The following PAPPA2 variants were observed in gnomAD, a reference collection of about 807,000 sequenced individuals.
PAPPA2 encodes the protein pappalysin-2.
Under a neutral mutation model 176.4 loss-of-function variants are expected in PAPPA2, and 86 were observed. The ratio of observed to expected loss-of-function variants is 0.49; its 90% CI spans 0.41 to 0.58. PAPPA2 has a LOEUF of 0.58. Among genes scored for constraint, PAPPA2 ranks in the 20% least tolerant of loss-of-function variants. The probability of loss-of-function intolerance (pLI) is 0.00; values close to 1 mark genes in which losing one functional copy is unlikely to be tolerated. For missense variants in PAPPA2, 2,073 were observed against 2,256.9 expected (o/e 0.92, Z 1.65); for synonymous variants, 809 against 852.2 (o/e 0.95, Z 0.88).
At chr1:176,519,830 T>G (rs923780976) in intron 1 of PAPPA2, among the ~76,000 whole-genome samples, 1 of 152,178 alleles carries the variant, frequency 6.6e-6, no homozygotes, top group Non-Finnish European at 1.5e-5. Context: ...AAGTTGAAAG[T>G]TGGTAGTTGG....
intron 17 of PAPPA2, among the ~76,000 whole-genome samples, chr1:176,773,286 T>A (rs182801047): frequency 1.2e-4 from 19 of 152,330 alleles, no homozygotes; most frequent in African/African-American, 4.6e-4. Flanking sequence ...AGTTTGCAAG[T>A]CTGGCATAAA....
chr1:176,488,193 A>AT (rs1270494350), intron 1 of PAPPA2, among the ~76,000 whole-genome samples: 1 of 151,562 alleles, frequency 6.6e-6, no homozygotes, highest in Admixed American at 6.6e-5. Flanking sequence ...TTTATTTTTT[A>AT]TTTTTTTTAA....
intron 21 of PAPPA2, among the ~76,000 whole-genome samples, chr1:176,834,631 C>A (rs1667201410): frequency 6.6e-6 from 1 of 152,186 alleles, no homozygotes; most frequent in Non-Finnish European, 1.5e-5. Context: ...CAGTGCCAGG[C>A]AGCCTATTTG....
At chr1:176,608,511 G>C (rs1359161602) in intron 3 of PAPPA2, among the ~76,000 whole-genome samples, 1 of 152,170 alleles carries the variant, frequency 6.6e-6, no homozygotes, top group Non-Finnish European at 1.5e-5. Context: ...AATTCTCAGG[G>C]AAAATTTTCC....
At chr1:176,496,523 G>A (rs1341913606) in intron 1 of PAPPA2, among the ~76,000 whole-genome samples, 1 of 152,084 alleles carries the variant, frequency 6.6e-6, no homozygotes, top group Non-Finnish European at 1.5e-5. Flanking sequence ...TACGAGGCCT[G>A]TGGCTCAGCA....
chr1:176,487,041 C>G (rs1558397104), intron 1 of PAPPA2, among the ~76,000 whole-genome samples: 1 of 152,104 alleles, frequency 6.6e-6, no homozygotes, highest in Non-Finnish European at 1.5e-5. Flanking sequence ...CTCCACAGAT[C>G]CTCAAAAAAG....
At chr1:176,653,547 T>C (rs1341901760) in intron 3 of PAPPA2, among the ~76,000 whole-genome samples, 1 of 151,724 alleles carries the variant, frequency 6.6e-6, no homozygotes, top group African/African-American at 2.4e-5. Flanking sequence ...CTGTTATTCT[T>C]CATTTTCATT....
At position 176,842,362 on chromosome 1, in the gene PAPPA2, T is replaced by C. The variant is rs1428165930; in HGVS notation, c.5302-18T>C. 6.2e-7 allele frequency: 1 copy of C among 1,607,712 alleles called. No homozygotes were observed. Among genetic ancestry groups the C allele is most frequent in the East Asian group, 2.2e-5 (1 of 44,802 alleles). On this transcript the variant is annotated intron_variant, in intron 22 of 22. Coordinates refer to ENST00000367662, the MANE Select transcript of PAPPA2 (RefSeq NM_020318.3). ...ATCACAGAAATGAGCTATTTCTACT[T>C]CCCTTTCATTCCCCTAGGTCATTCC...
At chr1:176,721,614 T>C (rs766828455) in intron 12 of PAPPA2, among the ~76,000 whole-genome samples, 1 of 152,204 alleles carries the variant, frequency 6.6e-6, no homozygotes, top group African/African-American at 2.4e-5. Context: ...TTCACTTCCA[T>C]ATTTTGGAGA....
chr1:176,521,490 C>T, intron 1 of PAPPA2, among the ~76,000 whole-genome samples: 1 of 152,160 alleles, frequency 6.6e-6, no homozygotes, highest in East Asian at 1.9e-4. Context: ...CACTGCCCTA[C>T]CTACACCACA....
chr1:176,792,598 A>C (rs936434163), intron 19 of PAPPA2, among the ~76,000 whole-genome samples: 2 of 152,154 alleles, frequency 1.3e-5, no homozygotes, highest in East Asian at 1.9e-4. Context: ...ATTGTTTTAA[A>C]AGTCACTGAA....
chr1:176,676,015 G>A (rs1659270666), intron 4 of PAPPA2, among the ~76,000 whole-genome samples: 1 of 151,912 alleles, frequency 6.6e-6, no homozygotes, highest in South Asian at 2.1e-4. Context: ...AAGTGCAAAT[G>A]AAACCACAGC....
At chr1:176,762,723 T>C (rs1464536261) in intron 14 of PAPPA2, among the ~76,000 whole-genome samples, 1 of 152,214 alleles carries the variant, frequency 6.6e-6, no homozygotes, top group Admixed American at 6.5e-5. Context: ...CCTTATCAGA[T>C]AGATTAAATA....
chr1:176,793,537 G>C, intron 19 of PAPPA2, 23 bp from the exon 20 acceptor site: 1 of 1,566,716 alleles, frequency 6.4e-7, no homozygotes, highest in Non-Finnish European at 8.8e-7. Flanking sequence ...TCAAGTCTCT[G>C]CTGTAAACTT....
chr1:176,638,501 C>T (rs1367758819), intron 3 of PAPPA2, among the ~76,000 whole-genome samples: 1 of 151,952 alleles, frequency 6.6e-6, no homozygotes, highest in African/African-American at 2.4e-5. Flanking sequence ...AACTATTAAA[C>T]GAATGTATTG....
chr1:176,832,369 T>C (rs994448679), intron 21 of PAPPA2, among the ~76,000 whole-genome samples: 1 of 151,958 alleles, frequency 6.6e-6, no homozygotes, highest in African/African-American at 2.4e-5. Flanking sequence ...TGTGCTCTTC[T>C]TTTTTTTGAG....
chr1:176,733,287 T>C (rs1662246557), intron 12 of PAPPA2, among the ~76,000 whole-genome samples: 1 of 152,186 alleles, frequency 6.6e-6, no homozygotes, highest in Non-Finnish European at 1.5e-5. Context: ...AATGATCTTG[T>C]GCTTCAGAAG....
intron 2 of PAPPA2, among the ~76,000 whole-genome samples, chr1:176,558,501 G>A (rs953879757): frequency 2.6e-5 from 4 of 152,132 alleles, no homozygotes; most frequent in African/African-American, 4.8e-5. Flanking sequence ...TTTCTCCTTC[G>A]GAAGCTGGGA....
intron 2 of PAPPA2, among the ~76,000 whole-genome samples, chr1:176,579,055 A>G (rs533800053): frequency 6.6e-6 from 1 of 151,714 alleles, no homozygotes; most frequent in Non-Finnish European, 1.5e-5. Context: ...AGCATAACCC[A>G]CTCTATCTGG....
Sources: gnomAD v4.1 joint callset for allele counts (sites outside exome capture counted in the v4.1 genomes callset) on GRCh38, gnomAD v4.1.1 for gene constraint, MANE v1.5 for transcripts, NCBI Gene and HGNC (gene_info 2026-07-23, HGNC 2026-07-21) for gene names.